Variants in MDGA2 observed in about 807,000 individuals in gnomAD.
MDGA2 encodes the protein MAM domain containing glycosylphosphatidylinositol anchor 2.
In MDGA2, 40 loss-of-function variants were observed where a neutral mutation model predicts 117.8. That is an observed-to-expected ratio of 0.34 (90% confidence interval 0.26 to 0.44). The LOEUF (loss-of-function observed/expected upper bound fraction) is 0.44, where lower values mean the gene tolerates loss of function less well. Among genes scored for constraint, MDGA2 ranks in the 20% least tolerant of loss-of-function variants. The pLI, the probability that MDGA2 is intolerant of heterozygous loss-of-function variation, is 1.00. For missense variants in MDGA2, 1,123 were observed against 1,250.6 expected (o/e 0.90, Z 1.54); for synonymous variants, 452 against 439.0 (o/e 1.03, Z -0.37).
intron 4 of MDGA2, among the ~76,000 whole-genome samples, chr14:47,138,533 A>G (rs990163748): frequency 6.6e-6 from 1 of 152,182 alleles, no homozygotes; most frequent in East Asian, 1.9e-4. Context: ...TCTGCAATAC[A>G]TATATTTAAC....
At chr14:47,642,592 C>T (rs747041203) in intron 1 of MDGA2, among the ~76,000 whole-genome samples, 4 of 151,994 alleles carry the variant, frequency 2.6e-5, no homozygotes, top group Non-Finnish European at 5.9e-5. Context: ...AAACTGTGTT[C>T]CTAAATCCAT....
At chr14:47,082,283 A>C (rs1298042914) in intron 6 of MDGA2, among the ~76,000 whole-genome samples, 1 of 151,922 alleles carries the variant, frequency 6.6e-6, no homozygotes, top group Non-Finnish European at 1.5e-5. Context: ...TGAAAGTATC[A>C]GATATCAGTT....
intron 1 of MDGA2, among the ~76,000 whole-genome samples, chr14:47,401,137 C>T (rs553330930): frequency 2.0e-4 from 30 of 151,622 alleles, no homozygotes; most frequent in Middle Eastern, 3.2e-3. Flanking sequence ...TCAATAAAAA[C>T]ACATCAAGTA....
intron 1 of MDGA2, among the ~76,000 whole-genome samples, chr14:47,598,092 T>C (rs1417004824): frequency 1.3e-5 from 2 of 152,116 alleles, no homozygotes; most frequent in Non-Finnish European, 2.9e-5. Flanking sequence ...ATTAAGGCAA[T>C]GCAAACCAGA....
At chr14:47,096,811 T>C (rs1879998445) in intron 6 of MDGA2, 43 bp downstream of exon 6, 1 of 1,595,744 alleles carries the variant, frequency 6.3e-7, no homozygotes, top group Middle Eastern at 1.7e-4. Flanking sequence ...TTTGAGAGCC[T>C]AACCTAGGAA....
intron 5 of MDGA2, among the ~76,000 whole-genome samples, chr14:47,131,230 G>A (rs995753157): frequency 6.6e-6 from 1 of 151,852 alleles, no homozygotes; most frequent in African/African-American, 2.4e-5. Flanking sequence ...GCTAACTTAA[G>A]TTTCAATCCT....
intron 9 of MDGA2, among the ~76,000 whole-genome samples, chr14:46,948,326 C>T (rs921762308): frequency 1.3e-5 from 2 of 151,890 alleles, no homozygotes; most frequent in African/African-American, 2.4e-5. Context: ...ATATCTTGAC[C>T]AGTACTGTCT....
chr14:46,992,169 T>C (rs1278039717), intron 8 of MDGA2, among the ~76,000 whole-genome samples: 1 of 152,188 alleles, frequency 6.6e-6, no homozygotes, highest in Non-Finnish European at 1.5e-5. Context: ...TAAGAAATTC[T>C]CAATTAAAAT....
rs148650740 is a variant in MDGA2 at position 47,182,721 on chromosome 14, G to C, written c.595+35300C>G. ...AATTGGTCTTTGTAGTTGACATTTT[G>C]AATTAGTTGAAAATAACACCAACAA... On this transcript the variant is annotated intron_variant, in intron 3 of 16. Coordinates refer to ENST00000399232, the MANE Select transcript of MDGA2 (RefSeq NM_001113498.3). 5.4e-4 allele frequency among the ~76,000 whole-genome samples: 82 copies of C among 152,238 alleles called. No individual in the cohort carries two copies. The South Asian group carries it at 7.0e-3, about 13-fold the overall frequency.
intron 8 of MDGA2, among the ~76,000 whole-genome samples, chr14:46,977,894 A>C (rs1465915333): frequency 6.6e-6 from 1 of 151,882 alleles, no homozygotes; most frequent in Non-Finnish European, 1.5e-5. Flanking sequence ...CCAAAAAAGT[A>C]GATAATGTGT....
intron 1 of MDGA2, among the ~76,000 whole-genome samples, chr14:47,506,298 T>G (rs1392873135): frequency 6.6e-6 from 1 of 152,150 alleles, no homozygotes; most frequent in Non-Finnish European, 1.5e-5. Flanking sequence ...AAAAAACAGC[T>G]AATTTTCCTC....
chr14:47,136,330 G>T (rs1008532966), intron 4 of MDGA2, among the ~76,000 whole-genome samples: 2 of 151,668 alleles, frequency 1.3e-5, no homozygotes, highest in African/African-American at 4.8e-5. Context: ...CCAAGTAGCT[G>T]GGATTATAGG....
chr14:47,234,654 G>A (rs910253602), intron 2 of MDGA2, among the ~76,000 whole-genome samples: 1 of 151,944 alleles, frequency 6.6e-6, no homozygotes, highest in Non-Finnish European at 1.5e-5. Flanking sequence ...ATTCCAAGAC[G>A]CTACTGTGGC....
At chr14:47,308,174 T>C (rs1192823386) in intron 1 of MDGA2, among the ~76,000 whole-genome samples, 6 of 152,166 alleles carry the variant, frequency 3.9e-5, no homozygotes, top group Non-Finnish European at 8.8e-5. Flanking sequence ...AGATGAACGA[T>C]GTGTGGTTTG....
Position 47,629,415 on chromosome 14 carries a change from T to C in MDGA2, c.280+45102A>G, listed in dbSNP as rs181449971. The stretch of plus-strand genomic sequence containing the variant: ...TAAACACAGGCTAAGTAATACATTA[T>C]TGAAAACAGTTGTATGCCAAAAAAA... On this transcript the variant is annotated intron_variant, in intron 1 of 16. Coordinates refer to ENST00000399232, the MANE Select transcript of MDGA2 (RefSeq NM_001113498.3). Among the ~76,000 whole-genome samples the C allele has an allele frequency of 3.4e-3, 515 of 152,334 alleles. 3 individuals carry two copies. The highest frequency in any genetic ancestry group is 0.012 in the African/African-American group (491 of 41,574).
intron 5 of MDGA2, among the ~76,000 whole-genome samples, chr14:47,105,628 G>A (rs1396391142): frequency 1.3e-5 from 2 of 151,792 alleles, no homozygotes; most frequent in African/African-American, 2.4e-5. Flanking sequence ...CTGCAAAATC[G>A]AAATAATTCT....
chr14:47,235,705 C>T (rs1328394319), intron 2 of MDGA2, among the ~76,000 whole-genome samples: 1 of 152,178 alleles, frequency 6.6e-6, no homozygotes, highest in East Asian at 1.9e-4. Flanking sequence ...CTTCTGCATA[C>T]CAGATTATCT....
intron 1 of MDGA2, among the ~76,000 whole-genome samples, chr14:47,468,948 A>C (rs1893660354): frequency 6.6e-6 from 1 of 152,096 alleles, no homozygotes; most frequent in Non-Finnish European, 1.5e-5. Flanking sequence ...ATATTTTTTC[A>C]GGTTTTACAT....
At chr14:47,346,988 T>C (rs552224599) in intron 1 of MDGA2, among the ~76,000 whole-genome samples, 8 of 152,076 alleles carry the variant, frequency 5.3e-5, no homozygotes, top group African/African-American at 1.9e-4. Context: ...ATGAGACTAA[T>C]GGAAGGACAA....
Sources: allele counts gnomAD v4.1 joint callset (sites outside exome capture counted in the v4.1 genomes callset), GRCh38; gene constraint gnomAD v4.1.1; transcripts MANE v1.5; gene names NCBI Gene and HGNC (gene_info 2026-07-23, HGNC 2026-07-21).